Variants in TMEM260 observed in about 807,000 individuals in gnomAD.
TMEM260 encodes transmembrane protein 260, also known as protein O-mannosyl-transferase TMEM260.
Under a neutral mutation model 88.9 loss-of-function variants are expected in TMEM260, and 82 were observed. The observed-to-expected ratio is 0.92, with a 90% CI of 0.77 to 1.11. The LOEUF is 1.11. Ranked by LOEUF, TMEM260 falls within the 50% of genes least tolerant of loss-of-function variation. The pLI, the probability that TMEM260 is intolerant of heterozygous loss-of-function variation, is 0.00. For missense variants in TMEM260, 902 were observed against 853.4 expected (o/e 1.06, Z -0.71); for synonymous variants, 314 against 309.3 (o/e 1.02, Z -0.16).
Position 56,609,298 on chromosome 14 carries a change from T to A in TMEM260, c.816+13T>A, listed in dbSNP as rs1268429566. The A allele has an allele frequency of 3.7e-6, 6 of 1,611,848 alleles. No individual in the cohort carries two copies. Among genetic ancestry groups the A allele is most frequent in the Non-Finnish European group, 4.2e-6 (5 of 1,178,438 alleles). On this transcript the variant is annotated intron_variant, in intron 6 of 15. Transcript: ENST00000261556. The stretch of plus-strand genomic sequence containing the variant: ...AACCTTCAGCCTGGTAAATTCAGAT[T>A]TAAAGCCCTTCTAAGGAAACAAGTG...
chr14:56,620,047 A>C (rs1174992614), intron 10 of TMEM260, among the ~76,000 whole-genome samples: 3 of 152,192 alleles, frequency 2.0e-5, no homozygotes, highest in African/African-American at 7.2e-5. Context: ...CAGAAAACCT[A>C]ATACTGCATC....
chr14:56,623,271 G>C (rs1037571970), intron 11 of TMEM260, among the ~76,000 whole-genome samples: 1 of 152,184 alleles, frequency 6.6e-6, no homozygotes, highest in Non-Finnish European at 1.5e-5. Flanking sequence ...GAGCAGTTCA[G>C]GGACGTCAGT....
upstream of TMEM260, chr14:56,579,747 C>G: frequency 1.9e-6 from 1 of 538,506 alleles, no homozygotes; most frequent in Non-Finnish European, 2.8e-6. Flanking sequence ...CTGGCATTTT[C>G]TCCTCCCCGC....
intron 3 of TMEM260, among the ~76,000 whole-genome samples, chr14:56,599,100 C>T (rs937958482): frequency 6.6e-6 from 1 of 152,054 alleles, no homozygotes; most frequent in Non-Finnish European, 1.5e-5. Flanking sequence ...ACACTGTCTG[C>T]GGTGTAATTG....
chr14:56,638,271 A>C (rs1889276724), intron 15 of TMEM260: 1 of 151,818 alleles, frequency 6.6e-6, no homozygotes, highest in Non-Finnish European at 1.5e-5. Flanking sequence ...CTCTGCCATT[A>C]GTTGTCAACT....
At chr14:56,636,390 T>G in intron 14 of TMEM260, 118 bp from the exon 15 acceptor site, 2 of 757,174 alleles carry the variant, frequency 2.6e-6, no homozygotes, top group South Asian at 1.7e-5. Context: ...GAATTGAAAA[T>G]AATACAATAA....
chr14:56,619,656 G>A (rs1313415539), intron 10 of TMEM260, among the ~76,000 whole-genome samples: 1 of 151,844 alleles, frequency 6.6e-6, no homozygotes, highest in Non-Finnish European at 1.5e-5. Context: ...TTATGGAAAT[G>A]GAAGAGAGTC....
At chr14:56,660,351 T>C in the TMEM260 span, among the ~76,000 whole-genome samples, 2 of 152,246 alleles carry the variant, frequency 1.3e-5, no homozygotes, top group African/African-American at 4.8e-5. Context: ...GCATTATATT[T>C]ACCAATGCGC....
At chr14:56,659,710 AGAGG>A in the TMEM260 span, among the ~76,000 whole-genome samples, 2 of 152,240 alleles carry the variant, frequency 1.3e-5, no homozygotes, top group African/African-American at 4.8e-5. Context: ...ACTACGGAGA[AGAGG>A]GAGTGGAGGC....
chr14:56,582,070 A>G (rs916315596), intron 1 of TMEM260, among the ~76,000 whole-genome samples: 2 of 152,218 alleles, frequency 1.3e-5, no homozygotes, highest in Non-Finnish European at 2.9e-5. Context: ...TTTGGGAATG[A>G]TAAACTGTTT....
chr14:56,644,854 T>C (rs1010461750), intron 15 of TMEM260, among the ~76,000 whole-genome samples: 10 of 152,060 alleles, frequency 6.6e-5, no homozygotes, highest in Non-Finnish European at 1.5e-4. Flanking sequence ...CAGACACTTC[T>C]CAAAAGACAT....
the TMEM260 span, among the ~76,000 whole-genome samples, chr14:56,657,054 A>T: frequency 6.6e-6 from 1 of 152,074 alleles, no homozygotes; most frequent in Non-Finnish European, 1.5e-5. Context: ...TACCATCTAT[A>T]TATTTGATCT....
At chr14:56,635,272 C>G (rs1345571137) in intron 14 of TMEM260, among the ~76,000 whole-genome samples, 1 of 152,210 alleles carries the variant, frequency 6.6e-6, no homozygotes, top group African/African-American at 2.4e-5. Flanking sequence ...ACTCATCTAA[C>G]TAAAGTGAGT....
At chr14:56,645,909 C>T (rs377538996) in intron 15 of TMEM260, among the ~76,000 whole-genome samples, 7 of 152,132 alleles carry the variant, frequency 4.6e-5, no homozygotes, top group Non-Finnish European at 7.4e-5. Flanking sequence ...CTGACAGTAA[C>T]CTTGATGTAT....
At chr14:56,595,729 C>T (rs537546188) in intron 3 of TMEM260, among the ~76,000 whole-genome samples, 70 of 152,304 alleles carry the variant, frequency 4.6e-4, no homozygotes, top group African/African-American at 1.6e-3. Flanking sequence ...CACAAGCGAT[C>T]CTCTGCCTCA....
chr14:56,593,624 T>C (rs1000160551), intron 3 of TMEM260, among the ~76,000 whole-genome samples: 1 of 148,844 alleles, frequency 6.7e-6, no homozygotes, highest in Non-Finnish European at 1.5e-5. Flanking sequence ...TAAGTTTACC[T>C]CTCTAACAGT....
chr14:56,597,465 G>A (rs374634455), intron 3 of TMEM260, among the ~76,000 whole-genome samples: 5 of 152,148 alleles, frequency 3.3e-5, no homozygotes, highest in African/African-American at 1.2e-4. Flanking sequence ...TAAGTATAGG[G>A]ACTTGCAAGT....
intron 3 of TMEM260, among the ~76,000 whole-genome samples, chr14:56,594,645 A>G (rs557310214): frequency 6.6e-6 from 1 of 152,316 alleles, no homozygotes; most frequent in East Asian, 1.9e-4. Flanking sequence ...TTTACAGTTC[A>G]TCTGCACTTT....
intron 15 of TMEM260, among the ~76,000 whole-genome samples, chr14:56,639,817 C>T (rs987331500): frequency 1.3e-5 from 2 of 152,192 alleles, no homozygotes; most frequent in African/African-American, 2.4e-5. Context: ...GCTTAACAAA[C>T]GGCACACCAG....
Sources: allele counts gnomAD v4.1 joint callset (sites outside exome capture counted in the v4.1 genomes callset), GRCh38; gene constraint gnomAD v4.1.1; transcripts MANE v1.5; gene names NCBI Gene and HGNC (gene_info 2026-07-23, HGNC 2026-07-21).